Variants in HDGFL3 observed in about 807,000 individuals in gnomAD.
The protein encoded by HDGFL3 is hepatoma-derived growth factor-related protein 3.
A neutral mutation model predicts 27.6 loss-of-function variants in HDGFL3; 6 were observed. The ratio of observed to expected loss-of-function variants is 0.22; its 90% CI spans 0.12 to 0.43. The LOEUF (loss-of-function observed/expected upper bound fraction) is 0.43, where lower values mean the gene tolerates loss of function less well. HDGFL3 is among the 20% of genes least tolerant of loss of function. HDGFL3 has a pLI of 1.00. For missense variants in HDGFL3, 207 were observed against 250.1 expected (o/e 0.83, Z 1.16); for synonymous variants, 88 against 88.9 (o/e 0.99, Z 0.05).
intron 1 of HDGFL3, among the ~76,000 whole-genome samples, chr15:83,193,222 G>A (rs984066712): frequency 2.0e-5 from 3 of 152,188 alleles, no homozygotes; most frequent in Non-Finnish European, 4.4e-5. Flanking sequence ...ATATGATTAA[G>A]TCCTACAACT....
At chr15:83,144,566 C>G (rs1032477934) in intron 5 of HDGFL3, 1 of 455,824 alleles carries the variant, frequency 2.2e-6, no homozygotes, top group Non-Finnish European at 4.4e-6. Context: ...ATCCATGGGG[C>G]AAGGCATCAG....
intron 5 of HDGFL3, among the ~76,000 whole-genome samples, chr15:83,148,097 C>G (rs151182929): frequency 1.2e-4 from 19 of 152,280 alleles, no homozygotes; most frequent in Admixed American, 2.0e-4. Flanking sequence ...ACTATATTGG[C>G]AATAATTAAA....
chr15:83,202,645 G>GT (rs1393974246), intron 1 of HDGFL3, among the ~76,000 whole-genome samples: 7 of 152,082 alleles, frequency 4.6e-5, no homozygotes, highest in Non-Finnish European at 2.9e-5. Context: ...TATAAAATGT[G>GT]TTTTTTAAAT....
intron 1 of HDGFL3, among the ~76,000 whole-genome samples, chr15:83,175,399 C>T (rs954617691): frequency 2.6e-5 from 4 of 152,216 alleles, no homozygotes; most frequent in African/African-American, 9.6e-5. Context: ...GTTCAAGTAT[C>T]TACACTTTCC....
intron 3 of HDGFL3, among the ~76,000 whole-genome samples, chr15:83,121,731 A>C (rs2035265556): frequency 6.6e-6 from 1 of 152,250 alleles, no homozygotes; most frequent in Non-Finnish European, 1.5e-5. Context: ...AGAAGGTTCT[A>C]TAGTATATCA....
At chr15:83,195,348 A>ATT (rs956530739) in intron 1 of HDGFL3, among the ~76,000 whole-genome samples, 1 of 151,362 alleles carries the variant, frequency 6.6e-6, no homozygotes, top group Non-Finnish European at 1.5e-5. Context: ...TTTAATGTAG[A>ATT]TTTTTTTTTG....
In HDGFL3 at chr15:83,128,362, A is replaced by G. The variant is rs1218621506; in HGVS notation, c.*10908T>C. On this transcript the variant is annotated 3_prime_UTR_variant, in exon 6 of 6. Coordinates refer to ENST00000299633, the MANE Select transcript of HDGFL3 (RefSeq NM_016073.4). ...TAATTCTTAATTATAAAATTAGCAT[A>G]GTAGTATCGAAAAAGTTGATGTAGC... 1 of 152,240 alleles carries G rather than the reference A, an allele frequency of 6.6e-6. No homozygotes were observed. The highest frequency in any genetic ancestry group is 1.5e-5 in the Non-Finnish European group (1 of 68,046). 9.4% of individuals were successfully genotyped at this position (152,240 alleles called of 1,614,324 possible).
intron 1 of HDGFL3, among the ~76,000 whole-genome samples, chr15:83,168,027 T>C (rs984532851): frequency 1.3e-5 from 2 of 152,178 alleles, no homozygotes; most frequent in Non-Finnish European, 2.9e-5. Flanking sequence ...ACAAATTACA[T>C]GGAAATTAAA....
At chr15:83,198,054 CAA>C (rs766372255) in intron 1 of HDGFL3, among the ~76,000 whole-genome samples, 46 of 57,598 alleles carry the variant, frequency 8.0e-4, no homozygotes, top group African/African-American at 3.3e-3. Flanking sequence ...GACTCCGTCT[CAA>C]AAAAAAAAAA....
rs939040816 is a variant in HDGFL3, at chr15:83,135,867, C to A, written c.*3403G>T. On this transcript the variant is annotated 3_prime_UTR_variant, in exon 6 of 6. Transcript: ENST00000299633. ...GTAACAACCTTATCTTACAAACAAC[C>A]CTTAATATTTTAAAAGCTGCAGAAA... is the stretch of plus-strand genomic sequence containing the variant. 4 of 152,038 alleles carry A rather than the reference C, an allele frequency of 2.6e-5. No individual in the cohort carries two copies. The highest frequency in any genetic ancestry group is 5.9e-5 in the Non-Finnish European group (4 of 68,018). The allele number at this position is 152,038 out of a possible 1,614,324, so 9.4% of individuals were successfully genotyped here. A position where few individuals can be genotyped will look rare whatever the true frequency, so the allele number is the denominator to read the frequency against.
rs751124297 is a variant in HDGFL3 at position 83,157,604 on chromosome 15, AT to A, written c.301-32del. On this transcript the variant is annotated intron_variant, in intron 3 of 5. Coordinates refer to ENST00000299633, the MANE Select transcript of HDGFL3 (RefSeq NM_016073.4). ...AAATAATAAAATATTAGCTGATTACATTTTTGAAAAAATAGCAAAGAACAAA... is the reference window on the plus strand; with the variant it reads ...AAATAATAAAATATTAGCTGATTACATTTTGAAAAAATAGCAAAGAACAAA... The A allele has an allele frequency of 1.9e-6, 3 of 1,572,746 alleles. No individual in the cohort carries two copies. The South Asian group carries it at 3.5e-5, about 18-fold the overall frequency.
chr15:83,176,705 A>G (rs559836697), intron 1 of HDGFL3, among the ~76,000 whole-genome samples: 1 of 152,176 alleles, frequency 6.6e-6, no homozygotes, highest in Non-Finnish European at 1.5e-5. Context: ...ATTTTGATGC[A>G]TATTTTAAGA....
downstream of HDGFL3, chr15:83,127,581 A>G (rs550724033): frequency 2.4e-4 from 298 of 1,259,104 alleles, no homozygotes; most frequent in Non-Finnish European, 3.1e-4. Flanking sequence ...GGAGATAGCT[A>G]TTAGACATGT....
intron 1 of HDGFL3, among the ~76,000 whole-genome samples, chr15:83,165,900 TA>T (rs2037166265): frequency 8.8e-6 from 1 of 113,652 alleles, no homozygotes; most frequent in African/African-American, 3.4e-5. Flanking sequence ...CAGACAAAAA[TA>T]AAGGAAAAAG....
At chr15:83,127,512 T>G, downstream of HDGFL3, 1 of 1,609,790 alleles carries the variant, frequency 6.2e-7, no homozygotes, top group East Asian at 2.2e-5. Context: ...GGTTTACTTG[T>G]GGTCTAGGTG....
chr15:83,166,105 A>G (rs2037168815), intron 1 of HDGFL3, among the ~76,000 whole-genome samples: 2 of 152,170 alleles, frequency 1.3e-5, no homozygotes, highest in Admixed American at 6.5e-5. Flanking sequence ...TCCAGAGAAT[A>G]CTGGTAAAAT....
chr15:83,138,212 C>T lies in HDGFL3; in HGVS notation c.*1058G>A, dbSNP rs1384828445. The T allele has an allele frequency of 6.6e-6, 1 of 152,556 alleles. No individual in the cohort carries two copies. Among genetic ancestry groups the T allele is most frequent in the Non-Finnish European group, 1.5e-5 (1 of 68,000 alleles). 9.5% of individuals were successfully genotyped at this position (152,556 alleles called of 1,614,324 possible). On this transcript the variant is annotated 3_prime_UTR_variant, in exon 6 of 6. Transcript: ENST00000299633. ...ATAAATTTATTCTGTAAAAACAATACATTTTTTTGTTTTTGATTTTTTTAC... is the reference window on the plus strand; with the variant it reads ...ATAAATTTATTCTGTAAAAACAATATATTTTTTTGTTTTTGATTTTTTTAC...
At chr15:83,183,771 A>G (rs931283201) in intron 1 of HDGFL3, among the ~76,000 whole-genome samples, 1 of 151,480 alleles carries the variant, frequency 6.6e-6, no homozygotes, top group Non-Finnish European at 1.5e-5. Flanking sequence ...AAAAAGAAAA[A>G]AAAAAAAAAA....
At chr15:83,188,247 G>T (rs920286003) in intron 1 of HDGFL3, among the ~76,000 whole-genome samples, 8 of 152,046 alleles carry the variant, frequency 5.3e-5, no homozygotes, top group Non-Finnish European at 1.0e-4. Flanking sequence ...TCCCTACAGG[G>T]TTATTTATTT....
Sources: allele counts gnomAD v4.1 joint callset (sites outside exome capture counted in the v4.1 genomes callset), GRCh38; gene constraint gnomAD v4.1.1; transcripts MANE v1.5; gene names NCBI Gene and HGNC (gene_info 2026-07-23, HGNC 2026-07-21).